Variants in RARB observed in about 807,000 individuals in gnomAD.
RARB encodes retinoic acid receptor beta.
RARB carries 17 observed loss-of-function variants against 51.9 expected under a neutral mutation model. The ratio of observed to expected loss-of-function variants is 0.33; its 90% CI spans 0.22 to 0.49. The LOEUF is 0.49. RARB is among the 20% of genes least tolerant of loss of function. The pLI is 0.99. For synonymous variants in RARB, 215 were observed against 195.4 expected, an observed-to-expected ratio of 1.10 and a Z score of -0.84; for missense variants, 369 against 550.8, an observed-to-expected ratio of 0.67 and a Z score of 3.30.
chr3:24,950,760 A>C (rs990112460), intron 2 of RARB, among the ~76,000 whole-genome samples: 1 of 152,108 alleles, frequency 6.6e-6, no homozygotes, highest in African/African-American at 2.4e-5. Context: ...AGGATATCAT[A>C]TAAATATTAT....
chr3:25,308,718 G>A lies in RARB; in HGVS notation c.178+134143G>A, dbSNP rs530490400. 2.0e-5 allele frequency among the ~76,000 whole-genome samples: 3 copies of A among 152,186 alleles called. No homozygotes were observed. In the East Asian group the frequency reaches 5.8e-4, roughly 29 times the overall value. On this transcript the variant is annotated intron_variant, in intron 5 of 11. Coordinates refer to the RARB transcript ENST00000383772. ...CTGCCTCAGCCTCCCAAAGTGCTGG[G>A]ATTACAGGCATTAGCCATTGCACCC... is the stretch of plus-strand genomic sequence containing the variant.
At chr3:24,858,508 G>A (rs1173899838) in intron 1 of RARB, among the ~76,000 whole-genome samples, 1 of 152,198 alleles carries the variant, frequency 6.6e-6, no homozygotes, top group African/African-American at 2.4e-5. Flanking sequence ...TTTGGCTTAA[G>A]ATTTAGCAAA....
chr3:25,486,643 A>G (rs912659563), intron 2 of RARB, among the ~76,000 whole-genome samples: 4 of 152,118 alleles, frequency 2.6e-5, no homozygotes, highest in African/African-American at 9.7e-5. Flanking sequence ...TATATACCCT[A>G]CCATCATCTG....
chr3:25,220,378 G>A (rs1701920967), intron 5 of RARB, among the ~76,000 whole-genome samples: 1 of 152,110 alleles, frequency 6.6e-6, no homozygotes, highest in African/African-American at 2.4e-5. Flanking sequence ...GATTATTTTT[G>A]GAGAAGGCAT....
intron 3 of RARB, among the ~76,000 whole-genome samples, chr3:25,089,895 A>C (rs920021507): frequency 1.1e-4 from 16 of 152,148 alleles, no homozygotes; most frequent in African/African-American, 3.4e-4. Flanking sequence ...CCCAGATGTT[A>C]GTATATTAGC....
chr3:25,009,452 A>G (rs1697347736), intron 2 of RARB, among the ~76,000 whole-genome samples: 1 of 152,066 alleles, frequency 6.6e-6, no homozygotes, highest in Non-Finnish European at 1.5e-5. Context: ...CACAAGTAAA[A>G]TGGGTAATTG....
chr3:24,994,578 T>C (rs1181949400), intron 2 of RARB, among the ~76,000 whole-genome samples: 1 of 152,128 alleles, frequency 6.6e-6, no homozygotes, highest in Non-Finnish European at 1.5e-5. Context: ...CCCAGACTAA[T>C]GTCCTGAAGT....
intron 3 of RARB, among the ~76,000 whole-genome samples, chr3:25,546,106 A>G (rs1699606355): frequency 1.3e-5 from 2 of 152,096 alleles, no homozygotes; most frequent in African/African-American, 4.8e-5. Flanking sequence ...GCTTAGCTAG[A>G]GTATGCCCTG....
intron 5 of RARB, among the ~76,000 whole-genome samples, chr3:25,365,736 C>T (rs1706098480): frequency 6.6e-6 from 1 of 152,188 alleles, no homozygotes; most frequent in South Asian, 2.1e-4. Flanking sequence ...GACTAAAAGC[C>T]TTACTCTCAA....
chr3:25,121,985 T>C (rs1326222716), intron 3 of RARB, among the ~76,000 whole-genome samples: 3 of 152,184 alleles, frequency 2.0e-5, no homozygotes, highest in Non-Finnish European at 4.4e-5. Context: ...GGGAAACCCA[T>C]ACCTCATTCT....
chr3:25,205,546 C>T (rs150466003), intron 5 of RARB, among the ~76,000 whole-genome samples: 121 of 152,108 alleles, frequency 8.0e-4, no homozygotes, highest in Admixed American at 3.9e-3. Context: ...TGGAGCTGTT[C>T]GTATTCGGCC....
At chr3:25,215,903 A>C (rs1311090000) in intron 5 of RARB, among the ~76,000 whole-genome samples, 1 of 152,182 alleles carries the variant, frequency 6.6e-6, no homozygotes, top group Non-Finnish European at 1.5e-5. Flanking sequence ...TTTCATACCA[A>C]ACTGAAACTG....
chr3:24,923,157 A>G (rs1237030471), intron 2 of RARB, among the ~76,000 whole-genome samples: 2 of 152,170 alleles, frequency 1.3e-5, no homozygotes, highest in African/African-American at 4.8e-5. Context: ...CAGCTGGGAA[A>G]TCTACTGCAA....
chr3:25,123,489 C>T lies in RARB; in HGVS notation c.-327-8672C>T, dbSNP rs565702415. ...CTTTGTTTCTTTTCTACACATGTATCTCTTTCACACTGACAGTGGCTATAT... is the reference window on the plus strand; with the variant it reads ...CTTTGTTTCTTTTCTACACATGTATTTCTTTCACACTGACAGTGGCTATAT... On this transcript the variant is annotated intron_variant, in intron 3 of 11. Transcript: ENST00000383772. Among the ~76,000 whole-genome samples, 34 of 152,326 alleles carry T rather than the reference C, an allele frequency of 2.2e-4. No individual in the cohort carries two copies. In the Middle Eastern group the frequency reaches 0.01, roughly 46 times the overall value.
At chr3:25,216,792 T>C (rs922272838) in intron 5 of RARB, among the ~76,000 whole-genome samples, 1 of 151,386 alleles carries the variant, frequency 6.6e-6, no homozygotes, top group Non-Finnish European at 1.5e-5. Context: ...AATATATGTA[T>C]ATATTATTTA....
At chr3:25,115,077 T>G (rs1260433820) in intron 3 of RARB, among the ~76,000 whole-genome samples, 1 of 152,188 alleles carries the variant, frequency 6.6e-6, no homozygotes. Flanking sequence ...CTGTACAACT[T>G]CCTGCTAATA....
chr3:25,197,258 G>T (rs770714279), intron 5 of RARB, among the ~76,000 whole-genome samples: 1 of 152,204 alleles, frequency 6.6e-6, no homozygotes, highest in Middle Eastern at 3.4e-3. Context: ...TGTAAGGAAG[G>T]GATCCAGTTT....
chr3:25,485,316 T>C (rs777528897), intron 2 of RARB, among the ~76,000 whole-genome samples: 14 of 152,198 alleles, frequency 9.2e-5, no homozygotes, highest in Non-Finnish European at 1.6e-4. Flanking sequence ...ATGGCCTTAA[T>C]TGGTGATATA....
chr3:25,474,843 G>C (rs1343042673), intron 2 of RARB, among the ~76,000 whole-genome samples: 5 of 152,098 alleles, frequency 3.3e-5, no homozygotes, highest in Admixed American at 6.6e-5. Flanking sequence ...TCTGCTTTAA[G>C]AATTAGGTGG....
Sources: allele counts gnomAD v4.1 joint callset (sites outside exome capture counted in the v4.1 genomes callset), GRCh38; gene constraint gnomAD v4.1.1; transcripts MANE v1.5; gene names NCBI Gene and HGNC (gene_info 2026-07-23, HGNC 2026-07-21).